The following BRI3 variants were observed in gnomAD, a reference collection of about 807,000 sequenced individuals.
The protein encoded by BRI3 is membrane protein BRI3.
Under a neutral mutation model 12.8 loss-of-function variants are expected in BRI3, and 6 were observed. That is an observed-to-expected ratio of 0.47 (90% CI 0.26 to 0.93). The LOEUF (loss-of-function observed/expected upper bound fraction) is 0.93. BRI3 is among the 40% of genes least tolerant of loss of function. The pLI is 0.15. For missense variants in BRI3, 134 were observed against 171.1 expected (o/e 0.78, Z 1.21); for synonymous variants, 91 against 76.1 (o/e 1.20, Z -1.02).
downstream of BRI3, among the ~76,000 whole-genome samples, chr7:98,315,025 AAC>A (rs1199727167): frequency 3.3e-5 from 5 of 152,354 alleles, no homozygotes; most frequent in South Asian, 6.2e-4. Flanking sequence ...AAGTTGGCCA[AAC>A]ACAGTTTCTC....
At chr7:98,320,627 G>A in the BRI3 span, among the ~76,000 whole-genome samples, 5 of 151,682 alleles carry the variant, frequency 3.3e-5, no homozygotes, top group South Asian at 2.1e-4. Context: ...GAGCCGCCGC[G>A]CCAGGCCCAT....
downstream of BRI3, chr7:98,292,615 G>A (rs764529733): frequency 1.3e-6 from 2 of 1,551,112 alleles, no homozygotes; most frequent in Non-Finnish European, 1.7e-6. Context: ...TGGCTGCTAG[G>A]CTGAAAAACC....
chr7:98,318,479 A>T, the BRI3 span, among the ~76,000 whole-genome samples: 1 of 151,836 alleles, frequency 6.6e-6, no homozygotes, highest in African/African-American at 2.4e-5. Context: ...ACCAGGTTTC[A>T]CCATGTCAGC....
At chr7:98,322,444 G>A in the BRI3 span, among the ~76,000 whole-genome samples, 5 of 152,144 alleles carry the variant, frequency 3.3e-5, no homozygotes, top group Non-Finnish European at 7.4e-5. Context: ...CTGCCAGCCA[G>A]CCAAGGATCA....
chr7:98,291,503 A>G lies in BRI3; in HGVS notation c.*260A>G. 1 of 1,285,274 alleles carries G rather than the reference A, an allele frequency of 7.8e-7. No individual in the cohort carries two copies. The highest frequency in any genetic ancestry group is 9.9e-7 in the Non-Finnish European group (1 of 1,011,158). The allele number at this position is 1,285,274 out of a possible 1,614,324, so 79.6% of individuals were successfully genotyped here. A position where few individuals can be genotyped will look rare whatever the true frequency, so the allele number is the denominator to read the frequency against. ...GAGAAAGGTGAGAAATAATGTTTTCAATAAATGAGATTCATACCATTGTTG... is the reference window on the plus strand; with the variant it reads ...GAGAAAGGTGAGAAATAATGTTTTCGATAAATGAGATTCATACCATTGTTG... On this transcript the variant is annotated 3_prime_UTR_variant, in exon 3 of 3. Transcript: ENST00000297290.
chr7:98,314,737 C>T (rs552828550), downstream of BRI3, among the ~76,000 whole-genome samples: 4 of 152,216 alleles, frequency 2.6e-5, no homozygotes, highest in Non-Finnish European at 4.4e-5. Context: ...CCCCCGGACA[C>T]GGACCCATGA....
upstream of BRI3, among the ~76,000 whole-genome samples, chr7:98,301,775 G>C (rs1007955786): frequency 6.6e-6 from 1 of 152,148 alleles, no homozygotes; most frequent in Admixed American, 6.6e-5. Context: ...CCGGGGACTG[G>C]ATGACTGGGA....
intron 2 of BRI3, 119 bp from the exon 3 acceptor site, chr7:98,290,992 A>C (rs951131757): frequency 3.4e-6 from 4 of 1,191,850 alleles, no homozygotes; most frequent in Middle Eastern, 2.1e-4. Flanking sequence ...GTCACTCGCC[A>C]GAGGTCCCCA....
chr7:98,287,007 A>C (rs913627708), intron 2 of BRI3, among the ~76,000 whole-genome samples: 4 of 152,274 alleles, frequency 2.6e-5, no homozygotes, highest in East Asian at 3.9e-4. Context: ...GCCAGAGGTG[A>C]GGGCCGAACT....
the BRI3 span, chr7:98,320,304 A>G: frequency 1.9e-6 from 3 of 1,585,212 alleles, no homozygotes; most frequent in Non-Finnish European, 2.6e-6. Flanking sequence ...ATGTCCTGGG[A>G]ACAAAACCAG....
intron 2 of BRI3, among the ~76,000 whole-genome samples, chr7:98,289,490 C>A (rs1220680938): frequency 2.0e-5 from 3 of 152,220 alleles, no homozygotes; most frequent in East Asian, 3.9e-4. Context: ...AAGTTTTCTC[C>A]CCTTAGCAAG....
downstream of BRI3, chr7:98,315,318 G>A (rs1801032304): frequency 3.1e-6 from 2 of 647,176 alleles, no homozygotes; most frequent in East Asian, 7.1e-5. Context: ...TATAGAGACA[G>A]AGTTTTGCCA....
downstream of BRI3, chr7:98,292,992 T>C (rs999356482): frequency 5.7e-5 from 67 of 1,168,862 alleles, 1 homozygote; most frequent in East Asian, 2.7e-3. Context: ...CTGGAAGCTC[T>C]ACACTTAAAC....
At chr7:98,282,618 G>C (rs894854130) in intron 2 of BRI3, 165 bp downstream of exon 2, 14 of 623,118 alleles carry the variant, frequency 2.2e-5, no homozygotes, top group African/African-American at 1.8e-4. Flanking sequence ...ATGCGGTGTG[G>C]GAGAGTGCGG....
At chr7:98,290,178 GTTGTTT>G (rs1207809037) in intron 2 of BRI3, among the ~76,000 whole-genome samples, 10 of 92,278 alleles carry the variant, frequency 1.1e-4, no homozygotes, top group South Asian at 3.1e-4. Flanking sequence ...GCCTCTCAAG[GTTGTTT>G]TTTTTTTTTT....
intron 2 of BRI3, among the ~76,000 whole-genome samples, chr7:98,283,939 T>C (rs1339350153): frequency 1.3e-5 from 2 of 152,166 alleles, no homozygotes; most frequent in African/African-American, 4.8e-5. Context: ...GCTGTCGGTA[T>C]GGGGGCACTG....
chr7:98,297,742 A>G (rs1800249121), downstream of BRI3, among the ~76,000 whole-genome samples: 2 of 152,272 alleles, frequency 1.3e-5, no homozygotes, highest in South Asian at 4.1e-4. Context: ...CGAGGCACCC[A>G]TGTTGTGACG....
upstream of BRI3, among the ~76,000 whole-genome samples, chr7:98,302,312 G>A (rs146410546): frequency 2.8e-3 from 426 of 152,288 alleles, 2 homozygotes; most frequent in Middle Eastern, 6.8e-3. Context: ...TCCAGGGTTG[G>A]CCAAAGTGTC....
downstream of BRI3, chr7:98,291,682 TA>T: frequency 3.5e-6 from 1 of 282,952 alleles, no homozygotes; most frequent in Non-Finnish European, 5.5e-6. Flanking sequence ...ATTAAAGTTG[TA>T]ATCCCTTGAT....
Sources: allele counts gnomAD v4.1 joint callset (sites outside exome capture counted in the v4.1 genomes callset), GRCh38; gene constraint gnomAD v4.1.1; transcripts MANE v1.5; gene names NCBI Gene and HGNC (gene_info 2026-07-23, HGNC 2026-07-21).